Variants in BAZ2B observed in about 807,000 individuals in gnomAD.
The protein encoded by BAZ2B is bromodomain adjacent to zinc finger domain protein 2B.
A neutral mutation model predicts 246.0 loss-of-function variants in BAZ2B; 91 were observed. That is an observed-to-expected ratio of 0.37 (90% CI 0.31 to 0.44). BAZ2B has a LOEUF of 0.44. Among genes scored for constraint, BAZ2B ranks in the 20% least tolerant of loss-of-function variants. BAZ2B has a pLI of 1.00. For missense variants in BAZ2B, 2,332 were observed against 2,533.7 expected, an observed-to-expected ratio of 0.92 and a Z score of 1.71; for synonymous variants, 855 against 860.0, an observed-to-expected ratio of 0.99 and a Z score of 0.10.
At position 159,521,718 on chromosome 2, in the gene BAZ2B, A is replaced by G. The variant is rs2084156408; in HGVS notation, c.-3+34105T>C. Among the ~76,000 whole-genome samples the G allele has an allele frequency of 3.3e-5, 5 of 152,054 alleles. No homozygotes were observed. In the South Asian group the frequency reaches 1.0e-3, roughly 32 times the overall value. On this transcript the variant is annotated intron_variant, in intron 2 of 36. Transcript: ENST00000392783. ...TTCATCACATTTATTTTCAATGTAAATTCCAATTGTTCTGCTTCTATCAGC... is the reference window on the plus strand; with the variant it reads ...TTCATCACATTTATTTTCAATGTAAGTTCCAATTGTTCTGCTTCTATCAGC...
intron 1 of BAZ2B, among the ~76,000 whole-genome samples, chr2:159,600,187 C>G (rs1007154805): frequency 5.9e-5 from 9 of 151,984 alleles, no homozygotes; most frequent in Non-Finnish European, 1.3e-4. Context: ...CTCAAGGAAG[C>G]CTGTGTAGTT....
Position 159,478,703 on chromosome 2 carries a change from C to T in BAZ2B, c.17G>A (p.Arg6Gln), listed in dbSNP as rs377598279. 1.0e-5 allele frequency: 16 copies of T among 1,590,960 alleles called. No homozygotes were observed. The highest frequency in any genetic ancestry group is 6.9e-5 in the East Asian group (3 of 43,652). Residue 6 changes from arginine to glutamine, a missense_variant, in exon 3 of 37, where the codon CGG becomes CAG. Arg to Gln is a conservative substitution (Grantham distance 43). Transcript: ENST00000392783. ...AGAGGAGGCTGCTGAGGATGGTAAC[C>T]GTTCTCCAGACTCCATATCTATGAG... MESGERLPSSAASSTT... is the reference protein window; with the variant it reads MESGEQLPSSAASSTT...
intron 4 of BAZ2B, among the ~76,000 whole-genome samples, chr2:159,451,231 T>C (rs983812488): frequency 1.3e-5 from 2 of 152,120 alleles, no homozygotes; most frequent in African/African-American, 2.4e-5. Flanking sequence ...GAAATACTAT[T>C]TCAATATAAA....
intron 31 of BAZ2B, among the ~76,000 whole-genome samples, chr2:159,343,376 C>T (rs550785163): frequency 6.6e-6 from 1 of 152,146 alleles, no homozygotes; most frequent in East Asian, 1.9e-4. Context: ...GCACAGGTAA[C>T]AGAAGCAAAA....
intron 27 of BAZ2B, among the ~76,000 whole-genome samples, chr2:159,352,849 G>A (rs2058703957): frequency 6.6e-6 from 1 of 152,036 alleles, no homozygotes; most frequent in Non-Finnish European, 1.5e-5. Context: ...ACAAAACAGT[G>A]GCTCAATAAA....
At chr2:159,630,578 G>A in the BAZ2B span, among the ~76,000 whole-genome samples, 2 of 149,674 alleles carry the variant, frequency 1.3e-5, no homozygotes, top group African/African-American at 5.0e-5. Flanking sequence ...CTGTCGCCCA[G>A]GCTGGAGTGC....
the BAZ2B span, among the ~76,000 whole-genome samples, chr2:159,650,563 C>G: frequency 9.9e-5 from 15 of 152,134 alleles, no homozygotes; most frequent in African/African-American, 3.6e-4. Flanking sequence ...TCTTCTAAAC[C>G]TTTTCAGTGG....
intron 13 of BAZ2B, among the ~76,000 whole-genome samples, chr2:159,425,476 C>T (rs1389342698): frequency 2.0e-5 from 3 of 152,128 alleles, no homozygotes; most frequent in Admixed American, 1.3e-4. Flanking sequence ...CCACAATGCC[C>T]GGCCTGTTTT....
chr2:159,478,415 C>T (rs778789164), intron 3 of BAZ2B, among the ~76,000 whole-genome samples, 160 bp downstream of exon 3: 24 of 152,044 alleles, frequency 1.6e-4, no homozygotes, highest in African/African-American at 4.6e-4. Flanking sequence ...GCTATCCCAG[C>T]GTAAAATCCT....
chr2:159,470,669 A>C (rs1192341946), intron 3 of BAZ2B, among the ~76,000 whole-genome samples: 1 of 152,184 alleles, frequency 6.6e-6, no homozygotes, highest in Non-Finnish European at 1.5e-5. Flanking sequence ...CTTTATTTTG[A>C]AGGTAGAATC....
At chr2:159,413,411 G>C (rs2067132181) in intron 13 of BAZ2B, among the ~76,000 whole-genome samples, 1 of 152,058 alleles carries the variant, frequency 6.6e-6, no homozygotes, top group African/African-American at 2.4e-5. Flanking sequence ...AGACAAACTG[G>C]CTGGGCGCGG....
At chr2:159,446,754 T>C (rs1439449571) in intron 6 of BAZ2B, 28 bp downstream of exon 6, 12 of 1,561,724 alleles carry the variant, frequency 7.7e-6, no homozygotes, top group Non-Finnish European at 1.0e-5. Context: ...AGATCTGTTA[T>C]ATATTAGTCC....
chr2:159,388,859 G>A (rs534221109), intron 21 of BAZ2B, among the ~76,000 whole-genome samples: 1 of 152,130 alleles, frequency 6.6e-6, no homozygotes, highest in African/African-American at 2.4e-5. Context: ...TTGAGCCCAG[G>A]AGTTCAAGAC....
chr2:159,630,741 A>G, the BAZ2B span, among the ~76,000 whole-genome samples: 1 of 152,036 alleles, frequency 6.6e-6, no homozygotes, highest in Non-Finnish European at 1.5e-5. Context: ...TCACCGTGTT[A>G]GCCAGGATGG....
At chr2:159,325,564 C>T in intron 35 of BAZ2B, 89 bp downstream of exon 35, 1 of 1,367,946 alleles carries the variant, frequency 7.3e-7, no homozygotes, top group Non-Finnish European at 9.9e-7. Flanking sequence ...CATAAATTAT[C>T]AGAAAGAAAG....
At chr2:159,391,703 A>T (rs781359657) in intron 20 of BAZ2B, among the ~76,000 whole-genome samples, 2 of 152,148 alleles carry the variant, frequency 1.3e-5, no homozygotes. Flanking sequence ...TTGGAGTATC[A>T]ATTTTAGCTG....
chr2:159,566,178 A>T (rs1682529439), intron 1 of BAZ2B, among the ~76,000 whole-genome samples: 1 of 151,856 alleles, frequency 6.6e-6, no homozygotes, highest in African/African-American at 2.4e-5. Context: ...CGTCTGGCTA[A>T]TTTTGTATTT....
At chr2:159,462,811 G>A (rs1201071569) in intron 3 of BAZ2B, 33 of 1,476,556 alleles carry the variant, frequency 2.2e-5, no homozygotes, top group East Asian at 2.0e-4. Context: ...GTTGCCCATC[G>A]ATAGTTTTTA....
intron 25 of BAZ2B, among the ~76,000 whole-genome samples, chr2:159,379,631 TG>T (rs1367358153): frequency 6.6e-6 from 1 of 152,232 alleles, no homozygotes; most frequent in Non-Finnish European, 1.5e-5. Flanking sequence ...AAGAGAATTA[TG>T]TAGCATATTA....
Sources: gnomAD v4.1 joint callset for allele counts (sites outside exome capture counted in the v4.1 genomes callset) on GRCh38, gnomAD v4.1.1 for gene constraint, MANE v1.5 for transcripts, NCBI Gene and HGNC (gene_info 2026-07-23, HGNC 2026-07-21) for gene names.